The following PIK3C2G variants were observed in gnomAD, a reference collection of about 807,000 sequenced individuals.
PIK3C2G encodes the protein phosphatidylinositol-4-phosphate 3-kinase catalytic subunit type 2 gamma.
A neutral mutation model predicts 181.1 loss-of-function variants in PIK3C2G; 168 were observed. The observed-to-expected ratio is 0.93, with a 90% CI of 0.82 to 1.05. The LOEUF is 1.05. Among genes scored for constraint, PIK3C2G ranks in the 50% least tolerant of loss-of-function variants. PIK3C2G has a pLI of 0.00. For missense variants in PIK3C2G, 1,869 were observed against 1,732.8 expected (o/e 1.08, Z -1.40); for synonymous variants, 573 against 592.2 (o/e 0.97, Z 0.47).
chr12:18,605,996 G>A (rs2136568645), intron 30 of PIK3C2G, among the ~76,000 whole-genome samples: 1 of 152,198 alleles, frequency 6.6e-6, no homozygotes. Flanking sequence ...ATGCGTTACT[G>A]TACATAAAGC....
chr12:18,325,750 A>G (rs1322033770), intron 8 of PIK3C2G, among the ~76,000 whole-genome samples: 5 of 151,638 alleles, frequency 3.3e-5, no homozygotes, highest in Non-Finnish European at 5.9e-5. Flanking sequence ...AAGAGTCAGG[A>G]ACCAGACTGC....
At chr12:18,425,763 A>C (rs777682963) in intron 18 of PIK3C2G, among the ~76,000 whole-genome samples, 68 of 152,156 alleles carry the variant, frequency 4.5e-4, no homozygotes, top group South Asian at 2.1e-4. Context: ...TTGAATAAGG[A>C]TTTAAAGTGT....
At chr12:18,679,285 C>A in the PIK3C2G span, among the ~76,000 whole-genome samples, 21 of 151,494 alleles carry the variant, frequency 1.4e-4, no homozygotes, top group African/African-American at 5.1e-4. Context: ...GGCAGAAGTT[C>A]TTTTTAAAAA....
At chr12:18,558,726 A>C (rs1224144860) in intron 26 of PIK3C2G, among the ~76,000 whole-genome samples, 1 of 152,226 alleles carries the variant, frequency 6.6e-6, no homozygotes, top group Non-Finnish European at 1.5e-5. Context: ...CAAATCATTC[A>C]GCTCATCTTT....
the PIK3C2G span, among the ~76,000 whole-genome samples, chr12:18,660,651 A>G: frequency 6.6e-6 from 1 of 152,168 alleles, no homozygotes; most frequent in African/African-American, 2.4e-5. Flanking sequence ...AGAGAAGCCT[A>G]TATCAATTAA....
chr12:18,375,290 G>A (rs1942357164), intron 13 of PIK3C2G, among the ~76,000 whole-genome samples: 1 of 152,196 alleles, frequency 6.6e-6, no homozygotes, highest in Non-Finnish European at 1.5e-5. Context: ...GGGAGCCAAA[G>A]CAAAGGTCAC....
chr12:18,427,618 T>C (rs1945909160), intron 18 of PIK3C2G, among the ~76,000 whole-genome samples: 1 of 152,050 alleles, frequency 6.6e-6, no homozygotes. Flanking sequence ...AAGTTCTTCA[T>C]TTGCTAAAGT....
chr12:18,508,723 C>T (rs950067370), intron 24 of PIK3C2G, among the ~76,000 whole-genome samples: 3 of 152,112 alleles, frequency 2.0e-5, no homozygotes, highest in Non-Finnish European at 4.4e-5. Flanking sequence ...CTCCTACAAG[C>T]TTAGCGTTCC....
chr12:18,578,180 C>A (rs988842733), intron 29 of PIK3C2G, among the ~76,000 whole-genome samples: 1 of 152,128 alleles, frequency 6.6e-6, no homozygotes, highest in Non-Finnish European at 1.5e-5. Flanking sequence ...AACTCTACCC[C>A]AGAAAGTAGG....
At chr12:18,397,362 G>A (rs1234625743) in intron 15 of PIK3C2G, among the ~76,000 whole-genome samples, 1 of 151,830 alleles carries the variant, frequency 6.6e-6, no homozygotes, top group East Asian at 1.9e-4. Context: ...AAATCTATAG[G>A]CAAGCCACAT....
downstream of PIK3C2G, among the ~76,000 whole-genome samples, chr12:18,652,133 C>A (rs777087322): frequency 1.4e-4 from 22 of 151,948 alleles, no homozygotes; most frequent in Non-Finnish European, 5.9e-5. Context: ...GAAGTCCTAA[C>A]CCCAGGTACC....
At chr12:18,650,347 A>ATATATATATGTG (rs1349566559), downstream of PIK3C2G, among the ~76,000 whole-genome samples, 1 of 114,544 alleles carries the variant, frequency 8.7e-6, no homozygotes, top group Non-Finnish European at 1.8e-5. Context: ...ATATATATAT[A>ATATATATATGTG]TGTGTGTGTG....
At chr12:18,478,032 C>T (rs1406735713) in intron 18 of PIK3C2G, among the ~76,000 whole-genome samples, 1 of 152,058 alleles carries the variant, frequency 6.6e-6, no homozygotes, top group African/African-American at 2.4e-5. Flanking sequence ...AATTGCCTTG[C>T]TGTTAAAAGA....
chr12:18,382,846 G>A (rs929601504), intron 14 of PIK3C2G, among the ~76,000 whole-genome samples: 3 of 152,104 alleles, frequency 2.0e-5, no homozygotes, highest in African/African-American at 7.2e-5. Flanking sequence ...TGTGGTGAGG[G>A]GTTTGGGACA....
At chr12:18,441,755 A>C (rs1291670876) in intron 18 of PIK3C2G, among the ~76,000 whole-genome samples, 3 of 152,170 alleles carry the variant, frequency 2.0e-5, no homozygotes, top group Admixed American at 6.5e-5. Context: ...CCAATGAGAC[A>C]ACAAAGGACA....
chr12:18,463,617 G>A (rs542514975), intron 18 of PIK3C2G, among the ~76,000 whole-genome samples: 6 of 152,276 alleles, frequency 3.9e-5, no homozygotes, highest in South Asian at 4.1e-4. Context: ...AATTTAATGA[G>A]CACGGGTAGT....
chr12:18,443,531 GA>G (rs1428518513), intron 18 of PIK3C2G, among the ~76,000 whole-genome samples: 11 of 151,650 alleles, frequency 7.3e-5, no homozygotes, highest in African/African-American at 2.4e-4. Flanking sequence ...AGGAATTTCT[GA>G]AAAGTAAAAT....
At chr12:18,658,997 A>C in the PIK3C2G span, among the ~76,000 whole-genome samples, 88,402 of 151,432 alleles carry the variant, frequency 0.58, 27,155 homozygotes, top group East Asian at 0.89. Context: ...CTCATGCTCT[A>C]TGACTCAGTG....
chr12:18,585,564 C>G (rs1292789591), intron 29 of PIK3C2G, among the ~76,000 whole-genome samples: 1 of 152,156 alleles, frequency 6.6e-6, no homozygotes, highest in Non-Finnish European at 1.5e-5. Flanking sequence ...TCTTAGAGAC[C>G]TACACAGAGA....
Sources: gnomAD v4.1 joint callset for allele counts (sites outside exome capture counted in the v4.1 genomes callset) on GRCh38, gnomAD v4.1.1 for gene constraint, MANE v1.5 for transcripts, NCBI Gene and HGNC (gene_info 2026-07-23, HGNC 2026-07-21) for gene names.